ASIC2: variants seen among roughly 807,000 people sequenced by gnomAD.
The protein encoded by ASIC2 is acid sensing ion channel subunit 2.
In ASIC2, 25 loss-of-function variants were observed where a neutral mutation model predicts 57.3. That is an observed-to-expected ratio of 0.44 (90% CI 0.32 to 0.61). The LOEUF (loss-of-function observed/expected upper bound fraction) is 0.61. Among genes scored for constraint, ASIC2 ranks in the 20% least tolerant of loss-of-function variants. ASIC2 has a pLI of 0.06. For missense variants in ASIC2, 641 were observed against 738.1 expected, an observed-to-expected ratio of 0.87 and a Z score of 1.52; for synonymous variants, 319 against 307.5, an observed-to-expected ratio of 1.04 and a Z score of -0.39.
intron 1 of ASIC2, among the ~76,000 whole-genome samples, chr17:33,729,001 A>T (rs1909651499): frequency 6.6e-6 from 1 of 152,212 alleles, no homozygotes; most frequent in South Asian, 2.1e-4. Flanking sequence ...CACAGATTCA[A>T]GTTCATTGGT....
At chr17:34,058,026 G>A (rs1422659870) in intron 1 of ASIC2, among the ~76,000 whole-genome samples, 1 of 152,004 alleles carries the variant, frequency 6.6e-6, no homozygotes, top group Non-Finnish European at 1.5e-5. Context: ...ACCTAAACAC[G>A]GTCTAATCCT....
rs916372571 is a variant in ASIC2 at position 34,156,533 on chromosome 17, C to A, written c.-1G>T. 6.3e-7 allele frequency: 1 copy of A among 1,585,192 alleles called. No homozygotes were observed. On this transcript the variant is annotated 5_prime_UTR_variant, in exon 1 of 10. Coordinates refer to the ASIC2 transcript ENST00000359872. The surrounding 1 kb of genome is among the most constrained non-coding windows in gnomAD (Gnocchi z 4.4). ...CACTGGGGCTTTCCTTGAGGTCCATCGGGACCCCGTGCAGTTCCGCAACTG... is the reference window on the plus strand; with the variant it reads ...CACTGGGGCTTTCCTTGAGGTCCATAGGGACCCCGTGCAGTTCCGCAACTG...
At chr17:33,899,427 G>T (rs1166564644) in intron 1 of ASIC2, among the ~76,000 whole-genome samples, 1 of 152,180 alleles carries the variant, frequency 6.6e-6, no homozygotes, top group Non-Finnish European at 1.5e-5. Context: ...TGACAATTTT[G>T]ATGAGTATTG....
At chr17:33,929,479 C>T (rs1265622612) in intron 1 of ASIC2, among the ~76,000 whole-genome samples, 3 of 152,234 alleles carry the variant, frequency 2.0e-5, no homozygotes, top group Non-Finnish European at 4.4e-5. Context: ...CATTTGCATT[C>T]ATCACCTTCT....
chr17:33,547,013 A>C (rs1377890897), intron 1 of ASIC2, among the ~76,000 whole-genome samples: 1 of 152,120 alleles, frequency 6.6e-6, no homozygotes, highest in East Asian at 1.9e-4. Flanking sequence ...AGTGCTTCTC[A>C]AACTTGAGGG....
chr17:34,058,316 G>A (rs1908845619), intron 1 of ASIC2, among the ~76,000 whole-genome samples: 1 of 152,090 alleles, frequency 6.6e-6, no homozygotes, highest in Non-Finnish European at 1.5e-5. Context: ...CCACCTCACT[G>A]GGTCATCTCA....
At chr17:33,471,335 G>A (rs1913044508) in intron 1 of ASIC2, among the ~76,000 whole-genome samples, 1 of 149,618 alleles carries the variant, frequency 6.7e-6, no homozygotes, top group Admixed American at 6.6e-5. Flanking sequence ...GTTAGCTGTC[G>A]ACTGATGACA....
At chr17:33,333,634 C>T (rs1337941237) in intron 1 of ASIC2, among the ~76,000 whole-genome samples, 1 of 152,008 alleles carries the variant, frequency 6.6e-6, no homozygotes. Context: ...TTTTGAAATA[C>T]AGTGAGTACA....
At chr17:33,760,585 T>C (rs1377344419) in intron 1 of ASIC2, among the ~76,000 whole-genome samples, 1 of 151,494 alleles carries the variant, frequency 6.6e-6, no homozygotes, top group Non-Finnish European at 1.5e-5. Context: ...TATGTGTATA[T>C]AAAGCAGGAT....
intron 1 of ASIC2, among the ~76,000 whole-genome samples, chr17:33,468,752 G>C (rs1912944421): frequency 6.7e-6 from 1 of 150,248 alleles, no homozygotes. Context: ...AAAATAAGAA[G>C]CAATGTTCTT....
At chr17:33,542,391 A>C (rs1336651636) in intron 1 of ASIC2, among the ~76,000 whole-genome samples, 1 of 123,528 alleles carries the variant, frequency 8.1e-6, no homozygotes, top group Non-Finnish European at 1.7e-5. Flanking sequence ...ATTTCTCCAC[A>C]TCCTCTCCAG....
chr17:33,584,534 C>T (rs1273015049), intron 1 of ASIC2, among the ~76,000 whole-genome samples: 2 of 152,136 alleles, frequency 1.3e-5, no homozygotes, highest in Admixed American at 6.5e-5. Flanking sequence ...AGCCCTGTCA[C>T]CTCCATCAGG....
chr17:33,463,015 A>G (rs534056908), intron 1 of ASIC2, among the ~76,000 whole-genome samples: 2 of 152,258 alleles, frequency 1.3e-5, no homozygotes, highest in South Asian at 4.2e-4. Context: ...GTAAAGCTAT[A>G]TATCATCTTC....
At chr17:33,577,719 A>G (rs575981136) in intron 1 of ASIC2, among the ~76,000 whole-genome samples, 1 of 152,178 alleles carries the variant, frequency 6.6e-6, no homozygotes, top group South Asian at 2.1e-4. Context: ...CCACCAACTG[A>G]GAGATGTCCC....
chr17:33,149,710 A>G (rs1341464823), intron 1 of ASIC2, among the ~76,000 whole-genome samples: 1 of 152,240 alleles, frequency 6.6e-6, no homozygotes, highest in African/African-American at 2.4e-5. Context: ...AAATTTGCCA[A>G]TTTGTTAAGT....
chr17:33,238,706 A>G (rs1000024636), intron 1 of ASIC2, among the ~76,000 whole-genome samples: 30 of 152,066 alleles, frequency 2.0e-4, no homozygotes, highest in African/African-American at 7.2e-4. Context: ...GGCTCCCCCA[A>G]CCAATATCCA....
chr17:33,350,816 G>T (rs1323666020), intron 1 of ASIC2, among the ~76,000 whole-genome samples: 1 of 151,734 alleles, frequency 6.6e-6, no homozygotes, highest in Non-Finnish European at 1.5e-5. Context: ...TTAGTTTCTT[G>T]TTGCAAAAAA....
intron 1 of ASIC2, among the ~76,000 whole-genome samples, chr17:33,410,561 C>T (rs111475085): frequency 0.022 from 3,395 of 152,310 alleles, 33 homozygotes; most frequent in Non-Finnish European, 0.032. Context: ...GCCTGTGGCT[C>T]GTCTCCAGCC....
At chr17:33,745,170 C>T (rs989942001) in intron 1 of ASIC2, among the ~76,000 whole-genome samples, 2 of 152,142 alleles carry the variant, frequency 1.3e-5, no homozygotes, top group African/African-American at 2.4e-5. Flanking sequence ...TTTCCCCTCC[C>T]ACCCCCAGTT....
Sources: gnomAD v4.1 joint callset for allele counts (sites outside exome capture counted in the v4.1 genomes callset) on GRCh38, gnomAD v4.1.1 for gene constraint, Gnocchi (gnomAD v3.1) non-coding constraint, MANE v1.5 for transcripts, NCBI Gene and HGNC (gene_info 2026-07-23, HGNC 2026-07-21) for gene names.